Variants in TRMT11 observed in about 807,000 individuals in gnomAD.
The protein encoded by TRMT11 is tRNA methyltransferase 11, also known as tRNA (guanine(10)-N(2))-methyltransferase TRMT11.
In TRMT11, 53 loss-of-function variants were observed where a neutral mutation model predicts 62.8. The ratio of observed to expected loss-of-function variants is 0.84; its 90% CI spans 0.68 to 1.06. The LOEUF is 1.06. Among genes scored for constraint, TRMT11 ranks in the 50% least tolerant of loss-of-function variants. TRMT11 has a pLI of 0.00. For synonymous variants in TRMT11, 188 were observed against 190.3 expected, an observed-to-expected ratio of 0.99 and a Z score of 0.10; for missense variants, 556 against 553.4, an observed-to-expected ratio of 1.00 and a Z score of -0.05.
At chr6:126,029,577 T>A (rs1773815024) in intron 12 of TRMT11, among the ~76,000 whole-genome samples, 1 of 152,182 alleles carries the variant, frequency 6.6e-6, no homozygotes, top group Non-Finnish European at 1.5e-5. Flanking sequence ...TATGGAAATT[T>A]AAAAAACTCA....
chr6:126,119,480 TAAA>T (rs56778747), intron 21 of TRMT11, among the ~76,000 whole-genome samples: 18,509 of 124,310 alleles, frequency 0.15, 1,740 homozygotes, highest in African/African-American at 0.3. Flanking sequence ...TCTTCTTTGA[TAAA>T]AAAAAAAAAA....
chr6:126,076,728 A>G (rs990513729), intron 17 of TRMT11, among the ~76,000 whole-genome samples: 7 of 152,238 alleles, frequency 4.6e-5, no homozygotes, highest in Non-Finnish European at 5.9e-5. Context: ...TACCATATAA[A>G]TAAAAAATGT....
chr6:126,154,803 G>A (rs1399725886), intron 21 of TRMT11, among the ~76,000 whole-genome samples: 2 of 152,182 alleles, frequency 1.3e-5, no homozygotes, highest in East Asian at 1.9e-4. Context: ...GCCCAGTGGT[G>A]CCTGGGCTTG....
chr6:126,086,866 T>C (rs1777222677), intron 17 of TRMT11, among the ~76,000 whole-genome samples: 1 of 152,174 alleles, frequency 6.6e-6, no homozygotes, highest in Non-Finnish European at 1.5e-5. Context: ...TTGCTTTGAC[T>C]ATAGTGGGGG....
At chr6:126,245,048 G>T in the TRMT11 span, among the ~76,000 whole-genome samples, 3 of 152,248 alleles carry the variant, frequency 2.0e-5, no homozygotes, top group South Asian at 4.2e-4. Flanking sequence ...TTTAGATAAA[G>T]GTTGACATAT....
At chr6:126,230,155 A>G in the TRMT11 span, among the ~76,000 whole-genome samples, 1 of 152,194 alleles carries the variant, frequency 6.6e-6, no homozygotes, top group Non-Finnish European at 1.5e-5. Flanking sequence ...ACTTACAGGG[A>G]TGGTCCAGTG....
intron 21 of TRMT11, among the ~76,000 whole-genome samples, chr6:126,160,256 A>G (rs972756675): frequency 6.6e-6 from 1 of 152,190 alleles, no homozygotes; most frequent in African/African-American, 2.4e-5. Flanking sequence ...AAGTGATTAT[A>G]TGCTCTTAGG....
chr6:126,092,660 GTTC>G (rs1377041926), intron 17 of TRMT11, among the ~76,000 whole-genome samples: 1 of 151,974 alleles, frequency 6.6e-6, no homozygotes, highest in Non-Finnish European at 1.5e-5. Flanking sequence ...TGAGCTTTTT[GTTC>G]TTCTTGGTGA....
chr6:126,183,177 G>A (rs1211415195), intron 1 of TRMT11, among the ~76,000 whole-genome samples: 1 of 152,054 alleles, frequency 6.6e-6, no homozygotes, highest in Non-Finnish European at 1.5e-5. Flanking sequence ...GCATCACTTT[G>A]GCAACACCAT....
At chr6:125,991,790 T>C (rs1351968099) in intron 1 of TRMT11, among the ~76,000 whole-genome samples, 1 of 152,198 alleles carries the variant, frequency 6.6e-6, no homozygotes, top group Non-Finnish European at 1.5e-5. Context: ...TTACCTCTGA[T>C]AGAGTTAATC....
chr6:126,174,370 G>A (rs867246677), upstream of TRMT11, among the ~76,000 whole-genome samples: 1 of 152,178 alleles, frequency 6.6e-6, no homozygotes, highest in African/African-American at 2.4e-5. Context: ...ACATTTCAGG[G>A]TATGAATTTC....
downstream of TRMT11, among the ~76,000 whole-genome samples, chr6:126,041,186 A>AAAC (rs755820587): frequency 6.6e-5 from 10 of 152,264 alleles, no homozygotes; most frequent in South Asian, 6.2e-4. Context: ...ACAAAACAAA[A>AAAC]AACAACAACA....
chr6:126,240,328 A>C, the TRMT11 span, among the ~76,000 whole-genome samples: 1 of 151,780 alleles, frequency 6.6e-6, no homozygotes, highest in Non-Finnish European at 1.5e-5. Context: ...TTTTTTCCCC[A>C]TTTTTGTGGT....
chr6:126,131,614 A>G (rs1394008516), intron 21 of TRMT11, among the ~76,000 whole-genome samples: 1 of 151,960 alleles, frequency 6.6e-6, no homozygotes, highest in African/African-American at 2.4e-5. Context: ...GTCAGTCCTT[A>G]AGTATGTTTA....
chr6:126,196,760 A>G (rs1205453454), intron 1 of TRMT11, among the ~76,000 whole-genome samples: 1 of 152,186 alleles, frequency 6.6e-6, no homozygotes, highest in Non-Finnish European at 1.5e-5. Context: ...TACCTATTAA[A>G]TAAGACCTTT....
At chr6:126,151,978 C>T (rs1345879177) in intron 21 of TRMT11, among the ~76,000 whole-genome samples, 1 of 108,034 alleles carries the variant, frequency 9.3e-6, no homozygotes, top group Non-Finnish European at 1.9e-5. Context: ...TCCTCTCTCT[C>T]TCCCCTCCCT....
intron 21 of TRMT11, among the ~76,000 whole-genome samples, chr6:126,140,133 C>T (rs1043974420): frequency 2.6e-5 from 4 of 151,442 alleles, no homozygotes; most frequent in African/African-American, 7.3e-5. Context: ...TAGTCAATAC[C>T]TTTACATTAC....
At chr6:126,263,409 C>A in the TRMT11 span, among the ~76,000 whole-genome samples, 1 of 150,588 alleles carries the variant, frequency 6.6e-6, no homozygotes, top group South Asian at 2.1e-4. Context: ...TCTTCTTTAT[C>A]TATTTCCTCT....
rs142589596 is a variant in TRMT11 at position 126,167,279 on chromosome 6, C to T, written c.*1824-7546C>T. Among the ~76,000 whole-genome samples, 24 of 152,276 alleles carry T rather than the reference C, an allele frequency of 1.6e-4. No individual in the cohort carries two copies. The East Asian group carries it at 3.5e-3, about 22-fold the overall frequency. ...AGGGAATCTCCTGGTCTGTGGGTTG[C>T]GAAAACCATGGGAAAAGCATAGTGT... On this transcript the variant is annotated intron_variant and NMD_transcript_variant, in intron 21 of 22. Coordinates refer to the TRMT11 transcript ENST00000648977.
Sources: allele counts gnomAD v4.1 joint callset (sites outside exome capture counted in the v4.1 genomes callset), GRCh38; gene constraint gnomAD v4.1.1; transcripts MANE v1.5; gene names NCBI Gene and HGNC (gene_info 2026-07-23, HGNC 2026-07-21).